The following SIGLEC1 variants were observed in gnomAD, a reference collection of about 807,000 sequenced individuals.
SIGLEC1 encodes sialoadhesin.
SIGLEC1 carries 132 observed loss-of-function variants against 148.0 expected under a neutral mutation model. That is an observed-to-expected ratio of 0.89 (90% CI 0.77 to 1.03). The LOEUF is 1.03. Ranked by LOEUF, SIGLEC1 falls within the 50% of genes least tolerant of loss-of-function variation. SIGLEC1 has a pLI of 0.00. For missense variants in SIGLEC1, 2,253 were observed against 2,271.4 expected (o/e 0.99, Z 0.16); for synonymous variants, 945 against 969.0 (o/e 0.98, Z 0.46).
At chr20:3,692,274 G>C in intron 16 of SIGLEC1, 72 bp from the exon 17 acceptor site, 1 of 1,436,614 alleles carries the variant, frequency 7.0e-7, no homozygotes, top group Non-Finnish European at 9.2e-7. Context: ...AGCTGCCTGG[G>C]GTTGGTCAGG....
Position 3,688,683 on chromosome 20 carries a change from C to A in SIGLEC1, c.5071-64G>T, listed in dbSNP as rs1364485969. 5.2e-6 allele frequency: 7 copies of A among 1,353,074 alleles called. No individual in the cohort carries two copies. The African/African-American group carries it at 7.4e-5, about 14-fold the overall frequency. 83.8% of individuals were successfully genotyped at this position (1,353,074 alleles called of 1,614,324 possible). A position where few individuals can be genotyped will look rare whatever the true frequency, so the allele number is the denominator to read the frequency against. On this transcript the variant is annotated intron_variant, in intron 21 of 21. Coordinates refer to ENST00000344754, the MANE Select transcript of SIGLEC1 (RefSeq NM_023068.4). ...GGAGCCAGGGCAGGCCCCCAGGCCC[C>A]CAGCCTCAGGTGGGGTCCCAAGAGG... is the stretch of plus-strand genomic sequence containing the variant.
At position 3,689,440 on chromosome 20, in the gene SIGLEC1, G is replaced by C; in HGVS notation, c.4997+160C>G. The C allele has an allele frequency of 6.1e-6, 4 of 655,732 alleles. No individual in the cohort carries two copies. In the South Asian group the frequency reaches 7.6e-5, roughly 12 times the overall value. 40.6% of individuals were successfully genotyped at this position (655,732 alleles called of 1,614,324 possible). A position where few individuals can be genotyped will look rare whatever the true frequency, so the allele number is the denominator to read the frequency against. On this transcript the variant is annotated intron_variant, in intron 20 of 21. Transcript: ENST00000344754. ...GAAACTACAGCAAGGAGGATTTAGG[G>C]ACAATTCTAGAAGGGATTTCCAATT...
rs527704137 is a variant in SIGLEC1 at position 3,694,208 on chromosome 20, C to T, written c.3256+13G>A. 3 of 1,593,752 alleles carry T rather than the reference C, an allele frequency of 1.9e-6. No homozygotes were observed. The South Asian group carries it at 3.4e-5, about 18-fold the overall frequency. ...ACACACACACACACACACACACACA[C>T]ACACACACTGACCTTGAGCGTCGAA... is the stretch of plus-strand genomic sequence containing the variant. On this transcript the variant is annotated intron_variant, in intron 13 of 21. Coordinates refer to ENST00000344754, the MANE Select transcript of SIGLEC1 (RefSeq NM_023068.4).
At position 3,697,290 on chromosome 20, in the gene SIGLEC1, G is replaced by A; in HGVS notation, c.2175C>T (p.Ala725=). Residue 725 remains alanine (A), a synonymous_variant, in exon 10 of 22, where the codon GCC becomes GCT. Transcript: ENST00000344754. ...PSHTLQEGTE[A]NLTCNVSREA... is the part of the protein sequence containing the mutation. ...CCCGGCTCACGTTGCAAGTCAAGTT[G>A]GCTTCTGTGCCCTCCTGAAGTGTGT... 1 of 1,613,968 alleles carries A rather than the reference G, an allele frequency of 6.2e-7. No individual in the cohort carries two copies. Among genetic ancestry groups the A allele is most frequent in the Non-Finnish European group, 8.5e-7 (1 of 1,180,040 alleles).
chr20:3,699,057 T>G, intron 8 of SIGLEC1, 145 bp downstream of exon 8: 1 of 914,420 alleles, frequency 1.1e-6, no homozygotes, highest in Non-Finnish European at 1.6e-6. Context: ...CAGCCCCACA[T>G]GGAAAGACCC....
Position 3,696,802 on chromosome 20 carries a change from G to A in SIGLEC1, c.2467C>T (p.Pro823Ser), listed in dbSNP as rs2087804870. The change falls in exon 11 of 22, where the codon CCC becomes TCC. Residue 823 changes from proline (P) to serine (S), a missense_variant. Pro to Ser is a moderately conservative substitution (Grantham distance 74). Coordinates refer to ENST00000344754, the MANE Select transcript of SIGLEC1 (RefSeq NM_023068.4). ...TGGAACAAGGCCAGCAAGGCCAGGGGGCGGCTGTCCACAGTGCAGATGAAC... is the reference window on the plus strand; with the variant it reads ...TGGAACAAGGCCAGCAAGGCCAGGGAGCGGCTGTCCACAGTGCAGATGAAC... ...ALFICTVDSR[P>S]LALLALFHGE... is the part of the protein sequence containing the mutation. The A allele has an allele frequency of 6.2e-7, 1 of 1,611,634 alleles. No homozygotes were observed. Among genetic ancestry groups the A allele is most frequent in the Non-Finnish European group, 8.5e-7 (1 of 1,179,052 alleles).
chr20:3,694,644 A>T lies in SIGLEC1; in HGVS notation c.2944+19T>A, dbSNP rs1252937084. The T allele has an allele frequency of 1.2e-6, 2 of 1,601,404 alleles. No individual in the cohort carries two copies. Among genetic ancestry groups the T allele is most frequent in the Non-Finnish European group, 1.7e-6 (2 of 1,172,150 alleles). ...ACTGCATTCCTTCCCCCACACCTGG[A>T]TGGGACAAAAGTCCTTACAGGACAC... On this transcript the variant is annotated intron_variant, in intron 12 of 21. Transcript: ENST00000344754.
At position 3,697,184 on chromosome 20, in the gene SIGLEC1, G is replaced by A. The variant is rs369944399; in HGVS notation, c.2281C>T (p.Leu761=). 1.1e-4 allele frequency: 172 copies of A among 1,613,786 alleles called. No homozygotes were observed. The highest frequency in any genetic ancestry group is 1.3e-4 in the Non-Finnish European group (155 of 1,180,050). The change falls in exon 10 of 22, where the codon CTG becomes TTG. Residue 761 remains leucine (L), a synonymous_variant. Transcript: ENST00000344754. ...GCATCAGTTCTGGCCACGGGCAGCAGTGTCACGGTCTCCAGGGGACCCTGG... is the reference window on the plus strand; with the variant it reads ...GCATCAGTTCTGGCCACGGGCAGCAATGTCACGGTCTCCAGGGGACCCTGG... The part of the protein sequence containing the change: ...WAQGPLETVT[L]LPVARTDAAL...
At chr20:3,704,470 G>A (rs2087878161) in intron 4 of SIGLEC1, among the ~76,000 whole-genome samples, 2 of 152,316 alleles carry the variant, frequency 1.3e-5, no homozygotes, top group South Asian at 2.1e-4. Context: ...ATTGGTAAGG[G>A]ACCAACTACC....
chr20:3,692,347 A>C, intron 16 of SIGLEC1, 145 bp from the exon 17 acceptor site: 1 of 1,150,226 alleles, frequency 8.7e-7, no homozygotes, highest in Non-Finnish European at 1.2e-6. Context: ...TCCTGTGGGC[A>C]GAGTGCTCCA....
chr20:3,698,423 A>G (rs1048103033), intron 8 of SIGLEC1, among the ~76,000 whole-genome samples: 1 of 152,218 alleles, frequency 6.6e-6, no homozygotes, highest in African/African-American at 2.4e-5. Flanking sequence ...GCCACCTTGC[A>G]TAAGTCCCAT....
intron 11 of SIGLEC1, among the ~76,000 whole-genome samples, chr20:3,695,355 A>G (rs1230788110): frequency 1.3e-5 from 2 of 152,346 alleles, no homozygotes; most frequent in South Asian, 2.1e-4. Context: ...TGGACTCAGC[A>G]TGGGTGACCG....
At chr20:3,694,081 G>T in intron 13 of SIGLEC1, 140 bp downstream of exon 13, 1 of 919,916 alleles carries the variant, frequency 1.1e-6, no homozygotes, top group Non-Finnish European at 1.6e-6. Flanking sequence ...CTCAAGTCTG[G>T]AGTCCACCAT....
At chr20:3,706,138 G>C in intron 3 of SIGLEC1, 98 bp from the exon 4 acceptor site, 1 of 1,370,852 alleles carries the variant, frequency 7.3e-7, no homozygotes, top group Admixed American at 2.1e-5. Context: ...TGGGGAGGGG[G>C]CTTTTAGGGG....
rs767307716 is a variant in SIGLEC1 at position 3,689,671 on chromosome 20, C to A, written c.4926G>T (p.Leu1642=). The change falls in exon 20 of 22, where the codon CTG becomes CTT. Residue 1642 remains leucine (L), a synonymous_variant. Coordinates refer to ENST00000344754, the MANE Select transcript of SIGLEC1 (RefSeq NM_023068.4). ...CCACCAGCAGTCCCAGGACCCAGAG[C>A]AGCTGCTGGAACTGATGCAGGCGGT... The part of the protein sequence containing the change: ...ALHRLHQFQQ[L]LWVLGLLVGL... 6.3e-7 allele frequency: 1 copy of A among 1,588,038 alleles called. No homozygotes were observed. Among genetic ancestry groups the A allele is most frequent in the Admixed American group, 1.8e-5 (1 of 56,358 alleles).
rs2087853693 is a variant in SIGLEC1 at position 3,701,704 on chromosome 20, T to C, written c.1229-63A>G. ...CAAGGGCATTCCCTGGATACCCTGA[T>C]ACAACCCGTGACCTCTGCACCGCTT... is the stretch of plus-strand genomic sequence containing the variant. On this transcript the variant is annotated intron_variant, in intron 6 of 21. Coordinates refer to ENST00000344754, the MANE Select transcript of SIGLEC1 (RefSeq NM_023068.4). The C allele has an allele frequency of 1.4e-5, 21 of 1,456,280 alleles. No individual in the cohort carries two copies. The South Asian group carries it at 2.9e-4, about 20-fold the overall frequency. 90.2% of individuals were successfully genotyped at this position (1,456,280 alleles called of 1,614,324 possible). A position where few individuals can be genotyped will look rare whatever the true frequency, so the allele number is the denominator to read the frequency against.
In SIGLEC1 at chr20:3,699,474, A is replaced by G. The variant is rs1358924254; in HGVS notation, c.1529-15T>C. 5.6e-6 allele frequency: 9 copies of G among 1,598,814 alleles called. No homozygotes were observed. The highest frequency in any genetic ancestry group is 1.1e-5 in the South Asian group (1 of 88,098). ...GAGACGGGCGGCTGCGGGGAGAGGA[A>G]GAGGCTGGGAAGGGTCCCTCCTCTC... On this transcript the variant is annotated splice_polypyrimidine_tract_variant and intron_variant, in intron 7 of 21. Coordinates refer to ENST00000344754, the MANE Select transcript of SIGLEC1 (RefSeq NM_023068.4).
chr20:3,701,145 C>T (rs114750221), intron 7 of SIGLEC1, among the ~76,000 whole-genome samples, 197 bp downstream of exon 7: 4 of 152,322 alleles, frequency 2.6e-5, no homozygotes, highest in African/African-American at 7.2e-5. Context: ...AATGATGTGA[C>T]CTGTTGTGTT....
In SIGLEC1 at chr20:3,691,458, C is replaced by G; in HGVS notation, c.4473G>C (p.Glu1491Asp). Reference sequence around the variant, plus strand: ...GGGTGAAGGCGAGAGTGGGCACAGGCTCCGCGTGCAGCCGCCGGTCATTCC... The same window carrying G: ...GGGTGAAGGCGAGAGTGGGCACAGGGTCCGCGTGCAGCCGCCGGTCATTCC... ...WFWNDRRLHA[E>D]PVPTLAFTHV... Residue 1491 changes from glutamate (E) to aspartate (D), a missense_variant, in exon 18 of 22, where the codon GAG becomes GAC. By Grantham distance (45) the Glu-to-Asp change is conservative. Transcript: ENST00000344754. 1.2e-6 allele frequency: 2 copies of G among 1,613,188 alleles called. No homozygotes were observed. The highest frequency in any genetic ancestry group is 1.7e-6 in the Non-Finnish European group (2 of 1,179,948).
Sources: gnomAD v4.1 joint callset for allele counts (sites outside exome capture counted in the v4.1 genomes callset) on GRCh38, gnomAD v4.1.1 for gene constraint, MANE v1.5 for transcripts, NCBI Gene and HGNC (gene_info 2026-07-23, HGNC 2026-07-21) for gene names.